CSPG4: variants seen among roughly 807,000 people sequenced by gnomAD.
CSPG4 encodes the protein chondroitin sulfate proteoglycan 4.
Under a neutral mutation model 139.3 loss-of-function variants are expected in CSPG4, and 74 were observed. That is an observed-to-expected ratio of 0.53 (90% confidence interval 0.44 to 0.64). CSPG4 has a LOEUF of 0.64. Ranked by LOEUF, CSPG4 falls within the 30% of genes least tolerant of loss-of-function variation. The pLI is 0.00. For synonymous variants in CSPG4, 1,234 were observed against 1,394.2 expected (o/e 0.89, Z 2.56); for missense variants, 2,565 against 3,148.3 (o/e 0.81, Z 4.43).
intron 1 of CSPG4, among the ~76,000 whole-genome samples, chr15:75,702,979 G>A (rs958720205): frequency 1.9e-4 from 26 of 139,274 alleles, no homozygotes; most frequent in Non-Finnish European, 3.4e-4. Context: ...TTTGGGGCAC[G>A]GGAGGACCTG....
chr15:75,696,200 T>A lies in CSPG4; in HGVS notation c.89-2967A>T, dbSNP rs1028469420. On this transcript the variant is annotated intron_variant, in intron 1 of 9. Transcript: ENST00000308508. The surrounding 1 kb of genome is among the most constrained non-coding windows in gnomAD (Gnocchi z 4.2). ...CCTCCCACCCCTTCCCCCTCCTGAC[T>A]GTGGGGATTAGTCCTGGGGGTCTCT... 1.3e-5 allele frequency among the ~76,000 whole-genome samples: 2 copies of A among 152,044 alleles called. No homozygotes were observed. Among genetic ancestry groups the A allele is most frequent in the African/African-American group, 2.4e-5 (1 of 41,398 alleles).
At chr15:75,707,108 C>T (rs943926071) in intron 1 of CSPG4, among the ~76,000 whole-genome samples, 1 of 152,034 alleles carries the variant, frequency 6.6e-6, no homozygotes, top group African/African-American at 2.4e-5. Flanking sequence ...CAGGTGTCGC[C>T]AGCACGCCCA....
chr15:75,689,358 C>T lies in CSPG4; in HGVS notation c.1707G>A (p.Thr569=), dbSNP rs541386185. The T allele has an allele frequency of 1.1e-5, 17 of 1,611,936 alleles. No homozygotes were observed. The highest frequency in any genetic ancestry group is 9.3e-5 in the African/African-American group (7 of 74,890). Residue 569 remains threonine (T), a synonymous_variant, in exon 3 of 10, where the codon ACG becomes ACA. Transcript: ENST00000308508. ...AAACCTCAGGCCCCAGCGGCTTCTG[C>T]GTGTGTTCCAGGATCACCATGAGGC... The part of the protein sequence containing the change: ...HGSLMVILEH[T]QKPLGPEVFQ...
chr15:75,699,862 G>C (rs1894278406), intron 1 of CSPG4, among the ~76,000 whole-genome samples: 1 of 152,190 alleles, frequency 6.6e-6, no homozygotes, highest in Non-Finnish European at 1.5e-5. Flanking sequence ...CTTGGACAGG[G>C]AGATGGGTGG....
At chr15:75,680,790 G>C (rs1185032298) in intron 8 of CSPG4, 1 of 153,398 alleles carries the variant, frequency 6.5e-6, no homozygotes, top group East Asian at 1.9e-4. Context: ...GGGGACACCT[G>C]ACCCCTTCCC....
chr15:75,683,970 G>A (rs1894017047), intron 5 of CSPG4, among the ~76,000 whole-genome samples: 1 of 152,124 alleles, frequency 6.6e-6, no homozygotes, highest in Non-Finnish European at 1.5e-5. Flanking sequence ...CCCACTCTTT[G>A]GCGGCTTCCG....
intron 1 of CSPG4, among the ~76,000 whole-genome samples, chr15:75,710,555 C>A (rs1894435427): frequency 6.6e-6 from 1 of 152,160 alleles, no homozygotes; most frequent in African/African-American, 2.4e-5. Flanking sequence ...CTCAGTTTCC[C>A]TCTCTATACA....
In CSPG4 at chr15:75,676,346, C is replaced by T. The variant is rs1470455024; in HGVS notation, c.6173G>A (p.Gly2058Asp). 1 of 1,612,972 alleles carries T rather than the reference C, an allele frequency of 6.2e-7. No homozygotes were observed. Among genetic ancestry groups the T allele is most frequent in the Non-Finnish European group, 8.5e-7 (1 of 1,179,982 alleles). ...HVWAGGPWPQ[G>D]ATLRLDPTVL... is the part of the protein sequence containing the mutation. ...GGTGGGGTCCAGGCGCAGGGTGGCACCCTGGGGCCATGGCCCACCTGCCCA... is the reference window on the plus strand; with the variant it reads ...GGTGGGGTCCAGGCGCAGGGTGGCATCCTGGGGCCATGGCCCACCTGCCCA... The change falls in exon 10 of 10, where the codon GGT becomes GAT. Residue 2058 changes from glycine (G) to aspartate (D), a missense_variant. Physicochemically the swap from Gly to Asp is moderately conservative, Grantham distance 94 (BLOSUM62 -1). Around this residue, in one of 5 missense-constraint regions of CSPG4, gnomAD observed 2,316 missense variants for 2,818.2 expected, o/e 0.82. Coordinates refer to ENST00000308508, the MANE Select transcript of CSPG4 (RefSeq NM_001897.5).
At chr15:75,697,058 C>A (rs561462773) in intron 1 of CSPG4, among the ~76,000 whole-genome samples, 3 of 152,218 alleles carry the variant, frequency 2.0e-5, no homozygotes, top group African/African-American at 7.2e-5. Context: ...AGGCCCGCCT[C>A]CCCCGGCCAG....
chr15:75,688,908 C>T lies in CSPG4; in HGVS notation c.2157G>A (p.Gly719=). The T allele has an allele frequency of 1.2e-6, 2 of 1,612,276 alleles. No individual in the cohort carries two copies. The highest frequency in any genetic ancestry group is 8.5e-7 in the Non-Finnish European group (1 of 1,179,976). Residue 719 remains glycine, a synonymous_variant, in exon 3 of 10, where the codon GGG becomes GGA. Transcript: ENST00000308508. ...FGELQKQGAG[G]VEGAEWWATQ... ...TGGCCCACCACTCAGCACCCTCCAC[C>T]CCACCTGCCCCCTGCTTCTGCAGCT... is the stretch of plus-strand genomic sequence containing the variant.
intron 8 of CSPG4, among the ~76,000 whole-genome samples, chr15:75,681,643 C>G (rs1167260138): frequency 6.6e-6 from 1 of 152,200 alleles, no homozygotes; most frequent in Non-Finnish European, 1.5e-5. Context: ...CTGTCTTCAG[C>G]GAGTGGTGTT....
In CSPG4 at chr15:75,677,793, G is replaced by A; in HGVS notation, c.5044C>T (p.Pro1682Ser). The change falls in exon 9 of 10, where the codon CCT becomes TCT. Residue 1682 changes from proline (P) to serine (S), a missense_variant. Pro to Ser is a moderately conservative substitution (Grantham distance 74). Coordinates refer to ENST00000308508, the MANE Select transcript of CSPG4 (RefSeq NM_001897.5). ...DTLELQLSSP[P>S]ARDVAATLAV... ...AGGGTGGCGGCCACGTCCCGGGCAG[G>A]CGGCGAGGACAGCTGGAGCTCTAGG... The A allele has an allele frequency of 6.2e-7, 1 of 1,612,304 alleles. No individual in the cohort carries two copies. Among genetic ancestry groups the A allele is most frequent in the Non-Finnish European group, 8.5e-7 (1 of 1,179,268 alleles).
At chr15:75,697,526 G>A (rs758346015) in intron 1 of CSPG4, among the ~76,000 whole-genome samples, 66 of 152,336 alleles carry the variant, frequency 4.3e-4, no homozygotes, top group Admixed American at 1.5e-3. Flanking sequence ...AGCACCACCC[G>A]TGTGAGCCCT....
At chr15:75,677,681 G>A (rs1352681218) in intron 9 of CSPG4, 22 bp downstream of exon 9, 3 of 1,573,616 alleles carry the variant, frequency 1.9e-6, no homozygotes, top group Non-Finnish European at 2.6e-6. Flanking sequence ...CCACAATCTT[G>A]CCAGCTTATC....
chr15:75,713,312 C>A (rs1424954591), upstream of CSPG4, among the ~76,000 whole-genome samples: 1 of 152,192 alleles, frequency 6.6e-6, no homozygotes, highest in African/African-American at 2.4e-5. Context: ...TCCAGAGGCA[C>A]CACCCGAGGT....
intron 4 of CSPG4, 39 bp downstream of exon 4, chr15:75,685,180 A>G (rs1454007485): frequency 1.3e-6 from 2 of 1,509,222 alleles, no homozygotes; most frequent in Non-Finnish European, 1.8e-6. Flanking sequence ...CTGCCCCCAG[A>G]GCTGGGCTGC....
rs192598476 is a variant in CSPG4, at chr15:75,683,529, C to T, written c.4450-488G>A. Among the ~76,000 whole-genome samples the T allele has an allele frequency of 3.6e-3, 554 of 152,260 alleles. 6 individuals are homozygous for T. Among genetic ancestry groups the T allele is most frequent in the East Asian group, 0.011 (57 of 5,170 alleles). On this transcript the variant is annotated intron_variant, in intron 5 of 9. Transcript: ENST00000308508. ...TTCCAGCTGAGGGAGGGGTGCGTGGCGCAGAGAGTGGGGGGCTGATGGTTG... is the reference window on the plus strand; with the variant it reads ...TTCCAGCTGAGGGAGGGGTGCGTGGTGCAGAGAGTGGGGGGCTGATGGTTG...
chr15:75,695,051 G>A (rs1271462412), intron 1 of CSPG4, among the ~76,000 whole-genome samples: 2 of 152,146 alleles, frequency 1.3e-5, no homozygotes, highest in African/African-American at 2.4e-5. Context: ...TGAGAGCCAG[G>A]TGATACTGCC....
chr15:75,683,087 A>C, intron 5 of CSPG4, 46 bp from the exon 6 acceptor site: 1 of 1,562,102 alleles, frequency 6.4e-7, no homozygotes. Flanking sequence ...GCACTCACCC[A>C]CCCCTTCCTC....
Sources: allele counts gnomAD v4.1 joint callset (sites outside exome capture counted in the v4.1 genomes callset), GRCh38; gene constraint gnomAD v4.1.1; regional missense constraint gnomAD v4.1.1; non-coding constraint Gnocchi (gnomAD v3.1); transcripts MANE v1.5; gene names NCBI Gene and HGNC (gene_info 2026-07-23, HGNC 2026-07-21).